ZNF223: variants seen among roughly 807,000 people sequenced by gnomAD.
The protein encoded by ZNF223 is Homo sapiens zinc finger protein 223.
In ZNF223, 9 loss-of-function variants were observed where a neutral mutation model predicts 12.3. The ratio of observed to expected loss-of-function variants is 0.73; its 90% CI spans 0.44 to 1.28. The LOEUF (loss-of-function observed/expected upper bound fraction) is 1.28. Among genes scored for constraint, ZNF223 ranks in the 50% most tolerant of loss-of-function variants. The probability of loss-of-function intolerance (pLI) is 0.00; values close to 1 mark genes in which losing one functional copy is unlikely to be tolerated. For synonymous variants in ZNF223, 171 were observed against 195.2 expected (o/e 0.88, Z 1.03); for missense variants, 506 against 579.0 (o/e 0.87, Z 1.29).
chr19:44,059,278 C>T (rs117632741), intron 2 of ZNF223, among the ~76,000 whole-genome samples: 48 of 152,228 alleles, frequency 3.2e-4, no homozygotes, highest in African/African-American at 1.1e-3. Flanking sequence ...GAACATGGTG[C>T]GAGAAAGCAC....
At chr19:44,060,664 G>C (rs935856769) in intron 3 of ZNF223, 83 bp downstream of exon 3, 2 of 1,613,618 alleles carry the variant, frequency 1.2e-6, no homozygotes. Context: ...TGAGTGTGCA[G>C]TGGGAACCTA....
At chr19:44,059,802 ACCCAAATGGGATCAGGTGT>A (rs1976813500) in intron 2 of ZNF223, among the ~76,000 whole-genome samples, 1 of 152,188 alleles carries the variant, frequency 6.6e-6, no homozygotes, top group South Asian at 2.1e-4. Flanking sequence ...AGTGCCAGCC[ACCCAAATGGGATCAGGTGT>A]CCCCAGTACC....
At position 44,066,209 on chromosome 19, in the gene ZNF223, G is replaced by A; in HGVS notation, c.381G>A (p.Gln127=). 1 of 1,614,212 alleles carries A rather than the reference G, an allele frequency of 6.2e-7. No homozygotes were observed. Among genetic ancestry groups the A allele is most frequent in the Non-Finnish European group, 8.5e-7 (1 of 1,180,036 alleles). The change falls in exon 5 of 5, where the codon CAG becomes CAA. Residue 127 remains glutamine (Q), a synonymous_variant. Transcript: ENST00000434772. The part of the protein sequence containing the change: ...STIKSSQFFE[Q]GDAHSQVEEG... ...TAAAGAGCTCTCAGTTCTTTGAACAGGGTGATGCCCACTCCCAGGTTGAGG... is the reference window on the plus strand; with the variant it reads ...TAAAGAGCTCTCAGTTCTTTGAACAAGGTGATGCCCACTCCCAGGTTGAGG...
At position 44,067,530 on chromosome 19, in the gene ZNF223, C is replaced by T. The variant is rs867227918; in HGVS notation, c.*253C>T. 2 of 521,264 alleles carry T rather than the reference C, an allele frequency of 3.8e-6. No individual in the cohort carries two copies. The highest frequency in any genetic ancestry group is 7.3e-6 in the Non-Finnish European group (2 of 275,794). 32.3% of individuals were successfully genotyped at this position (521,264 alleles called of 1,614,324 possible). A position where few individuals can be genotyped will look rare whatever the true frequency, so the allele number is the denominator to read the frequency against. Reference sequence around the variant, plus strand: ...TTGCATCCATTAGCCAACCTTTGGCCATCCCACCTATCCCTTACCCTTCCC... The same window carrying T: ...TTGCATCCATTAGCCAACCTTTGGCTATCCCACCTATCCCTTACCCTTCCC... On this transcript the variant is annotated 3_prime_UTR_variant, in exon 5 of 5. Coordinates refer to ENST00000434772, the MANE Select transcript of ZNF223 (RefSeq NM_013361.6).
rs141519861 is a variant in ZNF223 at position 44,060,903 on chromosome 19, G to A, written c.235+62G>A. ...TTCCATCTGTTTTACTTCTGTGCACGTCCAACTCCATTACCTTCTTCTAAA... is the reference window on the plus strand; with the variant it reads ...TTCCATCTGTTTTACTTCTGTGCACATCCAACTCCATTACCTTCTTCTAAA... On this transcript the variant is annotated intron_variant, in intron 4 of 4. Transcript: ENST00000434772. 14,418 of 1,453,456 alleles carry A rather than the reference G, an allele frequency of 9.9e-3. 108 individuals are homozygous for A. Among genetic ancestry groups the A allele is most frequent in the Middle Eastern group, 0.018 (101 of 5,672 alleles). 90.0% of individuals were successfully genotyped at this position (1,453,456 alleles called of 1,614,324 possible). A position where few individuals can be genotyped will look rare whatever the true frequency, so the allele number is the denominator to read the frequency against.
chr19:44,057,853 G>A (rs1976789173), intron 2 of ZNF223, among the ~76,000 whole-genome samples: 1 of 152,222 alleles, frequency 6.6e-6, no homozygotes, highest in African/African-American at 2.4e-5. Flanking sequence ...AGTCCTGTGG[G>A]ACAGAACACA....
Position 44,066,415 on chromosome 19 carries a change from G to C in ZNF223, c.587G>C (p.Arg196Thr). Reference protein sequence around the residue: ...CYISALHIHQRVHLGEKLFKC... With the variant: ...CYISALHIHQTVHLGEKLFKC... ...ATCTCAGCGCTTCATATTCATCAGA[G>C]AGTCCACCTGGGAGAGAAACTCTTT... Residue 196 changes from arginine to threonine, a missense_variant, in exon 5 of 5, where the codon AGA becomes ACA. Physicochemically the swap from Arg to Thr is moderately conservative, Grantham distance 71. Transcript: ENST00000434772. 1.9e-6 allele frequency: 3 copies of C among 1,612,966 alleles called. No individual in the cohort carries two copies. The highest frequency in any genetic ancestry group is 2.5e-6 in the Non-Finnish European group (3 of 1,179,088).
At chr19:44,061,518 C>A (rs1011153327) in intron 4 of ZNF223, among the ~76,000 whole-genome samples, 1 of 152,220 alleles carries the variant, frequency 6.6e-6, no homozygotes, top group South Asian at 2.1e-4. Context: ...GACCATTCTT[C>A]CAGAGTCATG....
In ZNF223 at chr19:44,066,721, G is replaced by A. The variant is rs375059118; in HGVS notation, c.893G>A (p.Arg298His). 4.4e-5 allele frequency: 71 copies of A among 1,614,172 alleles called. No individual in the cohort carries two copies. Among genetic ancestry groups the A allele is most frequent in the Admixed American group, 8.3e-5 (5 of 60,020 alleles). ...TGTGAGATATGTAGTGTGAGCTTCCGTCTTAGGTCAAGTCTTAATAGGCAT... is the reference window on the plus strand; with the variant it reads ...TGTGAGATATGTAGTGTGAGCTTCCATCTTAGGTCAAGTCTTAATAGGCAT... ...FKCEICSVSF[R>H]LRSSLNRHCV... Residue 298 changes from arginine to histidine, a missense_variant, in exon 5 of 5, where the codon CGT (arginine) becomes CAT (histidine). Physicochemically the swap from Arg to His is conservative, Grantham distance 29. Transcript: ENST00000434772.
At chr19:44,064,801 A>T (rs924966255) in intron 4 of ZNF223, among the ~76,000 whole-genome samples, 1 of 152,156 alleles carries the variant, frequency 6.6e-6, no homozygotes, top group Non-Finnish European at 1.5e-5. Flanking sequence ...TGAAGTACCA[A>T]ATGTGGATCT....
Position 44,067,516 on chromosome 19 carries a change from A to T in ZNF223, c.*239A>T, listed in dbSNP as rs1011354467. 2 of 566,728 alleles carry T rather than the reference A, an allele frequency of 3.5e-6. No homozygotes were observed. Among genetic ancestry groups the T allele is most frequent in the African/African-American group, 1.8e-5 (1 of 54,060 alleles). The allele number at this position is 566,728 out of a possible 1,614,324, so 35.1% of individuals were successfully genotyped here. On this transcript the variant is annotated 3_prime_UTR_variant, in exon 5 of 5. Coordinates refer to ENST00000434772, the MANE Select transcript of ZNF223 (RefSeq NM_013361.6). ...ATCTACCTGTACTTTTGCATCCATT[A>T]GCCAACCTTTGGCCATCCCACCTAT...
intron 2 of ZNF223, among the ~76,000 whole-genome samples, chr19:44,059,768 C>T (rs1976813081): frequency 1.3e-5 from 2 of 152,198 alleles, no homozygotes; most frequent in South Asian, 4.1e-4. Context: ...AGGGACGTCA[C>T]GTCCTATACA....
At chr19:44,055,286 A>G in intron 2 of ZNF223, 95 bp downstream of exon 2, 2 of 1,398,088 alleles carry the variant, frequency 1.4e-6, no homozygotes, top group Non-Finnish European at 2.0e-6. Flanking sequence ...CAAGGAGAAC[A>G]GCAGGACTTT....
At chr19:44,060,649 A>C (rs1379425284) in intron 3 of ZNF223, 68 bp downstream of exon 3, 4 of 1,613,342 alleles carry the variant, frequency 2.5e-6, no homozygotes, top group Non-Finnish European at 3.4e-6. Flanking sequence ...TAGGGTGTTC[A>C]AGTTTGAGTG....
At chr19:44,058,031 C>T (rs1335714608) in intron 2 of ZNF223, among the ~76,000 whole-genome samples, 2 of 152,166 alleles carry the variant, frequency 1.3e-5, no homozygotes, top group Non-Finnish European at 2.9e-5. Context: ...AGCTGAGGCA[C>T]CCCAGAAGGT....
chr19:44,059,656 G>A (rs186926402), intron 2 of ZNF223, among the ~76,000 whole-genome samples: 3 of 152,248 alleles, frequency 2.0e-5, no homozygotes, highest in East Asian at 1.9e-4. Context: ...GTGGTGCAGC[G>A]ACCCAGTCTG....
intron 1 of ZNF223, among the ~76,000 whole-genome samples, chr19:44,053,238 G>A (rs1383538644): frequency 6.6e-6 from 1 of 152,162 alleles, no homozygotes; most frequent in African/African-American, 2.4e-5. Flanking sequence ...CCGGCGCTCA[G>A]CAAATGAGGA....
At chr19:44,056,583 C>A (rs748861909) in intron 2 of ZNF223, among the ~76,000 whole-genome samples, 13 of 106,904 alleles carry the variant, frequency 1.2e-4, no homozygotes, top group Non-Finnish European at 2.1e-4. Flanking sequence ...AAATGCCTCA[C>A]CATTTTTTTT....
In ZNF223 at chr19:44,053,285, T is replaced by G. The variant is rs1264481941; in HGVS notation, c.-69+1090T>G. Among the ~76,000 whole-genome samples the G allele has an allele frequency of 2.0e-5, 3 of 152,128 alleles. No homozygotes were observed. The East Asian group carries it at 5.8e-4, about 29-fold the overall frequency. On this transcript the variant is annotated intron_variant, in intron 1 of 4. Coordinates refer to ENST00000434772, the MANE Select transcript of ZNF223 (RefSeq NM_013361.6). ...ACTGGTCTCTGAGTTCCCTCAGTAT[T>G]TATTGATCACTATCTCTACTATCTT...
Sources: gnomAD v4.1 joint callset for allele counts (sites outside exome capture counted in the v4.1 genomes callset) on GRCh38, gnomAD v4.1.1 for gene constraint, MANE v1.5 for transcripts, NCBI Gene and HGNC (gene_info 2026-07-23, HGNC 2026-07-21) for gene names.